The following R3HDM2 variants were observed in gnomAD, a reference collection of about 807,000 sequenced individuals.
R3HDM2 encodes the protein R3H domain containing 2.
In R3HDM2, 38 loss-of-function variants were observed where a neutral mutation model predicts 124.5. That is an observed-to-expected ratio of 0.31 (90% CI 0.24 to 0.40). R3HDM2 has a LOEUF of 0.40. R3HDM2 is among the 10% of genes least tolerant of loss of function. R3HDM2 has a pLI of 1.00. For synonymous variants in R3HDM2, 391 were observed against 448.0 expected (o/e 0.87, Z 1.61); for missense variants, 869 against 1,236.9 (o/e 0.70, Z 4.46).
intron 2 of R3HDM2, among the ~76,000 whole-genome samples, chr12:57,333,903 G>A (rs889701447): frequency 2.0e-5 from 3 of 151,726 alleles, no homozygotes; most frequent in Admixed American, 6.6e-5. Flanking sequence ...TTAGCCGGGC[G>A]TGGTGGCACG....
intron 2 of R3HDM2, among the ~76,000 whole-genome samples, chr12:57,321,167 A>G (rs905012627): frequency 7.2e-5 from 11 of 152,252 alleles, no homozygotes; most frequent in African/African-American, 2.4e-4. Flanking sequence ...TTGAGCACCA[A>G]TATGATGCTC....
At chr12:57,316,582 C>CTTTT (rs761496804) in intron 2 of R3HDM2, among the ~76,000 whole-genome samples, 5 of 100,112 alleles carry the variant, frequency 5.0e-5, no homozygotes, top group African/African-American at 7.2e-5. Flanking sequence ...TGCATCCATC[C>CTTTT]TTTTTTTTTT....
intron 2 of R3HDM2, among the ~76,000 whole-genome samples, chr12:57,364,295 A>C (rs1279052791): frequency 2.0e-5 from 3 of 151,794 alleles, no homozygotes; most frequent in Non-Finnish European, 4.4e-5. Flanking sequence ...TTACAGACGC[A>C]CATCACCATG....
chr12:57,320,261 CAAAAAAAAAAAAAA>C (rs56207989), intron 2 of R3HDM2, among the ~76,000 whole-genome samples: 8 of 14,276 alleles, frequency 5.6e-4, no homozygotes, highest in Non-Finnish European at 7.7e-4. Flanking sequence ...AACTCTATCT[CAAAAAAAAAAAAAA>C]AAAAAAAAAA....
chr12:57,254,965 G>T lies in R3HDM2; in HGVS notation c.2781C>A (p.Asp927Glu), dbSNP rs751281352. The T allele has an allele frequency of 6.2e-7, 1 of 1,614,024 alleles. No individual in the cohort carries two copies. Among genetic ancestry groups the T allele is most frequent in the South Asian group, 1.1e-5 (1 of 91,060 alleles). ...GGCCATTCTCAGCAGTCCCACTGTTGTCCCCCCCACCCCCTCCAGGCAGCC... is the reference window on the plus strand; with the variant it reads ...GGCCATTCTCAGCAGTCCCACTGTTTTCCCCCCCACCCCCTCCAGGCAGCC... ...AQGLPGGGGG[D>E]NSGTAENGRH... The change falls in exon 24 of 24, where the codon GAC (aspartate) becomes GAA (glutamate). Residue 927 changes from aspartate (D) to glutamate (E), a missense_variant. Physicochemically the swap from Asp to Glu is conservative, Grantham distance 45. This residue lies in a region of R3HDM2 where 602 missense variants were observed against 789.2 expected (regional missense o/e 0.76). Coordinates refer to ENST00000402412, the MANE Select transcript of R3HDM2 (RefSeq NM_001394031.1).
chr12:57,265,006 G>A (rs548027949), intron 19 of R3HDM2, among the ~76,000 whole-genome samples: 38 of 152,294 alleles, frequency 2.5e-4, no homozygotes, highest in African/African-American at 8.9e-4. Context: ...AACAAGGGCA[G>A]CTGTACTTGC....
rs1298783543 is a variant in R3HDM2 at position 57,423,886 on chromosome 12, G to A, written c.-106+6834C>T. On this transcript the variant is annotated intron_variant, in intron 1 of 23. Transcript: ENST00000402412. ...TCCCAGCCCTTTGGGAGGCTGAGGCGGGAAGATCACCTGAGGTCAGGAGTT... is the reference window on the plus strand; with the variant it reads ...TCCCAGCCCTTTGGGAGGCTGAGGCAGGAAGATCACCTGAGGTCAGGAGTT... Among the ~76,000 whole-genome samples, 12 of 149,828 alleles carry A rather than the reference G, an allele frequency of 8.0e-5. No individual in the cohort carries two copies. The East Asian group carries it at 1.4e-3, about 17-fold the overall frequency.
At chr12:57,346,753 T>A (rs1296966799) in intron 2 of R3HDM2, among the ~76,000 whole-genome samples, 1 of 152,208 alleles carries the variant, frequency 6.6e-6, no homozygotes, top group African/African-American at 2.4e-5. Context: ...TGATTACATA[T>A]AATAGACTAT....
intron 1 of R3HDM2, among the ~76,000 whole-genome samples, chr12:57,399,459 GAC>G (rs2067858485): frequency 1.3e-5 from 2 of 152,030 alleles, no homozygotes; most frequent in South Asian, 4.2e-4. Flanking sequence ...CAGAAAAACA[GAC>G]ACTTTGTCCT....
intron 2 of R3HDM2, among the ~76,000 whole-genome samples, chr12:57,343,881 CT>C: frequency 6.6e-6 from 1 of 151,548 alleles, no homozygotes; most frequent in South Asian, 2.1e-4. Context: ...AGCAATCTAA[CT>C]TTTACACTTC....
At chr12:57,383,675 C>A (rs1440893238) in intron 2 of R3HDM2, among the ~76,000 whole-genome samples, 1 of 152,062 alleles carries the variant, frequency 6.6e-6, no homozygotes, top group Non-Finnish European at 1.5e-5. Context: ...GCACTCCAGC[C>A]TGGGTAACAG....
At position 57,406,927 on chromosome 12, in the gene R3HDM2, C is replaced by T. The variant is rs187805705; in HGVS notation, c.-105-11109G>A. On this transcript the variant is annotated intron_variant, in intron 1 of 23. Coordinates refer to ENST00000402412, the MANE Select transcript of R3HDM2 (RefSeq NM_001394031.1). ...CCCAATTTCTTTAATATATAAACTA[C>T]GAAGGAAAATAAGTGAGGGAAAGTC... Among the ~76,000 whole-genome samples, 32 of 152,068 alleles carry T rather than the reference C, an allele frequency of 2.1e-4. No homozygotes were observed. The East Asian group carries it at 2.9e-3, about 14-fold the overall frequency.
intron 2 of R3HDM2, among the ~76,000 whole-genome samples, chr12:57,324,559 A>G (rs1254347309): frequency 1.3e-5 from 2 of 152,234 alleles, no homozygotes; most frequent in Non-Finnish European, 2.9e-5. Context: ...CAAAGAAAAA[A>G]TGGAAATCTG....
chr12:57,277,849 G>A (rs142280759), intron 14 of R3HDM2, among the ~76,000 whole-genome samples: 315 of 152,290 alleles, frequency 2.1e-3, no homozygotes, highest in Non-Finnish European at 2.4e-3. Flanking sequence ...TGTACCATTA[G>A]AAACTGAACA....
chr12:57,317,210 G>GT lies in R3HDM2; in HGVS notation c.-35-6748dup, dbSNP rs778445757. ...TGTGTTTTTTTTTGTTTGTTTTTTT[G>GT]TTTTTTTTTTGAGACAGGGTCTCAG... On this transcript the variant is annotated intron_variant, in intron 2 of 23. Coordinates refer to ENST00000402412, the MANE Select transcript of R3HDM2 (RefSeq NM_001394031.1). Among the ~76,000 whole-genome samples, 157 of 143,160 alleles carry GT rather than the reference G, an allele frequency of 1.1e-3. 1 individual carries two copies. Among genetic ancestry groups the GT allele is most frequent in the East Asian group, 2.1e-3 (10 of 4,868 alleles). The allele number at this position is 143,160 out of a possible 152,430, so 93.9% of individuals were successfully genotyped here. A position where few individuals can be genotyped will look rare whatever the true frequency, so the allele number is the denominator to read the frequency against.
At chr12:57,386,155 G>A (rs10876979) in intron 2 of R3HDM2, among the ~76,000 whole-genome samples, 2 of 147,488 alleles carry the variant, frequency 1.4e-5, no homozygotes, top group East Asian at 1.9e-4. Context: ...TGCTGGCAGC[G>A]CTCGCAGCCC....
chr12:57,313,135 T>C (rs1236260483), intron 2 of R3HDM2, among the ~76,000 whole-genome samples: 3 of 152,164 alleles, frequency 2.0e-5, no homozygotes, highest in African/African-American at 2.4e-5. Flanking sequence ...TGTTTATGTA[T>C]GTAGTATGTA....
At chr12:57,269,541 G>T (rs2043153673) in intron 15 of R3HDM2, 92 bp from the exon 16 acceptor site, 3 of 1,525,680 alleles carry the variant, frequency 2.0e-6, no homozygotes, top group African/African-American at 2.8e-5. Flanking sequence ...TTGATGGCCA[G>T]AAATATGTAA....
intron 2 of R3HDM2, among the ~76,000 whole-genome samples, chr12:57,374,683 TAAAAA>T (rs56197858): frequency 1.1e-4 from 3 of 28,058 alleles, no homozygotes; most frequent in South Asian, 9.9e-4. Flanking sequence ...AATTCTATCT[TAAAAA>T]AAAAAAAAAA....
Sources: gnomAD v4.1 joint callset for allele counts (sites outside exome capture counted in the v4.1 genomes callset) on GRCh38, gnomAD v4.1.1 for gene constraint, gnomAD v4.1.1 regional missense constraint, MANE v1.5 for transcripts, NCBI Gene and HGNC (gene_info 2026-07-23, HGNC 2026-07-21) for gene names.